Variants in GSG1L observed in about 807,000 individuals in gnomAD.
The protein encoded by GSG1L is germ cell-specific gene 1-like protein.
A neutral mutation model predicts 42.1 loss-of-function variants in GSG1L; 24 were observed. That is an observed-to-expected ratio of 0.57 (90% CI 0.41 to 0.80). The LOEUF (loss-of-function observed/expected upper bound fraction) is 0.80, where lower values mean the gene tolerates loss of function less well. Ranked by LOEUF, GSG1L falls within the 30% of genes least tolerant of loss-of-function variation. The pLI, the probability that GSG1L is intolerant of heterozygous loss-of-function variation, is 0.00. For synonymous variants in GSG1L, 215 were observed against 203.5 expected, an observed-to-expected ratio of 1.06 and a Z score of -0.48; for missense variants, 445 against 472.2, an observed-to-expected ratio of 0.94 and a Z score of 0.53.
intron 2 of GSG1L, among the ~76,000 whole-genome samples, chr16:27,949,847 C>T (rs955627625): frequency 4.6e-5 from 7 of 152,310 alleles, no homozygotes; most frequent in Non-Finnish European, 8.8e-5. Flanking sequence ...ATGGCATGAA[C>T]CCGGGAGGCA....
chr16:27,875,618 G>A (rs2083878121), intron 3 of GSG1L, among the ~76,000 whole-genome samples: 1 of 152,172 alleles, frequency 6.6e-6, no homozygotes, highest in Non-Finnish European at 1.5e-5. Context: ...CTTGCCTGCT[G>A]TTGCATGATA....
At chr16:27,823,494 T>C (rs2083171539) in intron 5 of GSG1L, among the ~76,000 whole-genome samples, 1 of 152,060 alleles carries the variant, frequency 6.6e-6, no homozygotes, top group Non-Finnish European at 1.5e-5. Flanking sequence ...GACAGTTTAA[T>C]TTCTTCCTGT....
At chr16:27,993,999 G>T (rs1181380439) in intron 1 of GSG1L, among the ~76,000 whole-genome samples, 5 of 152,254 alleles carry the variant, frequency 3.3e-5, no homozygotes, top group African/African-American at 1.2e-4. Flanking sequence ...GCATTCAACC[G>T]TAAAAACAGC....
intron 2 of GSG1L, among the ~76,000 whole-genome samples, chr16:27,930,161 G>T (rs915379753): frequency 6.6e-6 from 1 of 151,510 alleles, no homozygotes; most frequent in South Asian, 2.1e-4. Context: ...CCTAGCAGCC[G>T]ATTGACTTAG....
chr16:28,018,927 A>T (rs1015068351), intron 1 of GSG1L, among the ~76,000 whole-genome samples: 1 of 152,138 alleles, frequency 6.6e-6, no homozygotes, highest in African/African-American at 2.4e-5. Flanking sequence ...ATCAGTGGAC[A>T]ATTCTCAGAT....
chr16:27,965,960 T>C (rs2085127696), intron 1 of GSG1L, among the ~76,000 whole-genome samples: 1 of 151,990 alleles, frequency 6.6e-6, no homozygotes, highest in African/African-American at 2.4e-5. Flanking sequence ...CTCCATCACC[T>C]CCCTGACCTC....
chr16:27,962,157 G>T (rs750339702), intron 2 of GSG1L, among the ~76,000 whole-genome samples: 11 of 152,136 alleles, frequency 7.2e-5, no homozygotes, highest in Non-Finnish European at 1.3e-4. Flanking sequence ...CCTGTGGCAG[G>T]CTCTCCTCCT....
chr16:27,811,244 T>C (rs896756807), intron 5 of GSG1L, among the ~76,000 whole-genome samples: 2 of 152,208 alleles, frequency 1.3e-5, no homozygotes, highest in African/African-American at 2.4e-5. Context: ...AATTTTTCAT[T>C]TGAGTACACC....
chr16:27,798,807 G>A (rs1203816903), intron 6 of GSG1L, among the ~76,000 whole-genome samples: 1 of 152,114 alleles, frequency 6.6e-6, no homozygotes, highest in Admixed American at 6.5e-5. Context: ...ACAGAAGTGG[G>A]CATAAAGTAG....
At chr16:28,003,634 C>G (rs1163455887) in intron 1 of GSG1L, among the ~76,000 whole-genome samples, 11 of 152,196 alleles carry the variant, frequency 7.2e-5, no homozygotes, top group Admixed American at 7.2e-4. Context: ...TGGGGAAGCT[C>G]CCAGAGGAGA....
intron 1 of GSG1L, among the ~76,000 whole-genome samples, chr16:28,060,681 C>T (rs7201203): frequency 0.019 from 2,942 of 152,122 alleles, 77 homozygotes; most frequent in African/African-American, 0.068. Context: ...GTAATTCCAG[C>T]TCCCTTGCCA....
intron 1 of GSG1L, among the ~76,000 whole-genome samples, chr16:27,974,320 A>G (rs2085227994): frequency 6.6e-6 from 1 of 152,190 alleles, no homozygotes; most frequent in African/African-American, 2.4e-5. Context: ...AGCTCAGCCA[A>G]AATCTTGCAC....
At chr16:28,023,761 A>G (rs550002548) in intron 1 of GSG1L, among the ~76,000 whole-genome samples, 92 of 152,354 alleles carry the variant, frequency 6.0e-4, no homozygotes, top group Non-Finnish European at 1.0e-3. Flanking sequence ...ATGGTGATTC[A>G]CATCTGTAAT....
At chr16:27,974,630 C>T (rs1325299550) in intron 1 of GSG1L, among the ~76,000 whole-genome samples, 1 of 152,160 alleles carries the variant, frequency 6.6e-6, no homozygotes, top group African/African-American at 2.4e-5. Flanking sequence ...GTGTGACTGC[C>T]CTCACCATCA....
At chr16:27,996,589 A>C (rs544252928) in intron 1 of GSG1L, among the ~76,000 whole-genome samples, 1 of 152,342 alleles carries the variant, frequency 6.6e-6, no homozygotes, top group African/African-American at 2.4e-5. Context: ...GACCTCACTG[A>C]AGTTTGAGAC....
At chr16:27,810,686 TAAG>T (rs2083020956) in intron 5 of GSG1L, among the ~76,000 whole-genome samples, 1 of 152,056 alleles carries the variant, frequency 6.6e-6, no homozygotes, top group Admixed American at 6.6e-5. Context: ...TCTTTTTTTT[TAAG>T]TTTTTCTTTT....
chr16:27,935,199 C>G (rs991140629), intron 2 of GSG1L, among the ~76,000 whole-genome samples: 1 of 152,114 alleles, frequency 6.6e-6, no homozygotes, highest in African/African-American at 2.4e-5. Context: ...AGCCCCTAAT[C>G]CCATCAGCAA....
At chr16:27,856,176 T>C (rs933227606) in intron 3 of GSG1L, among the ~76,000 whole-genome samples, 2 of 151,988 alleles carry the variant, frequency 1.3e-5, no homozygotes, top group African/African-American at 4.8e-5. Context: ...CATCCCCACA[T>C]ACCCCAGTCA....
At chr16:28,055,004 C>A (rs999218154) in intron 1 of GSG1L, among the ~76,000 whole-genome samples, 1 of 152,142 alleles carries the variant, frequency 6.6e-6, no homozygotes, top group South Asian at 2.1e-4. Flanking sequence ...TCCTTCCTCA[C>A]GTCACTCTCG....
Sources: gnomAD v4.1 joint callset for allele counts (sites outside exome capture counted in the v4.1 genomes callset) on GRCh38, gnomAD v4.1.1 for gene constraint, MANE v1.5 for transcripts, NCBI Gene and HGNC (gene_info 2026-07-23, HGNC 2026-07-21) for gene names.